DTNBP1: variants seen among roughly 807,000 people sequenced by gnomAD.
The protein encoded by DTNBP1 is dystrobrevin binding protein 1, also known as dysbindin.
Under a neutral mutation model 42.8 loss-of-function variants are expected in DTNBP1, and 35 were observed. The observed-to-expected ratio is 0.82, with a 90% CI of 0.63 to 1.09. The LOEUF is 1.09. DTNBP1 is among the 50% of genes least tolerant of loss of function. DTNBP1 has a pLI of 0.00. For synonymous variants in DTNBP1, 171 were observed against 162.2 expected (o/e 1.05, Z -0.41); for missense variants, 457 against 424.2 (o/e 1.08, Z -0.68).
chr6:15,623,015 A>G (rs1319004394), intron 5 of DTNBP1, among the ~76,000 whole-genome samples: 1 of 152,222 alleles, frequency 6.6e-6, no homozygotes, highest in Non-Finnish European at 1.5e-5. Flanking sequence ...AAGACTGTTC[A>G]AATGCTTACG....
At chr6:15,607,626 C>T (rs901562198) in intron 6 of DTNBP1, among the ~76,000 whole-genome samples, 7 of 152,164 alleles carry the variant, frequency 4.6e-5, no homozygotes, top group African/African-American at 1.7e-4. Flanking sequence ...CACAGGAATT[C>T]TCAGAACCTT....
Position 15,637,930 on chromosome 6 carries a change from T to A in DTNBP1, c.162-126A>T, listed in dbSNP as rs372222238. 7 of 1,026,468 alleles carry A rather than the reference T, an allele frequency of 6.8e-6. No individual in the cohort carries two copies. In the East Asian group the frequency reaches 9.8e-5, roughly 14 times the overall value. The allele number at this position is 1,026,468 out of a possible 1,614,324, so 63.6% of individuals were successfully genotyped here. ...CACTCAAAAAATAATGGGGACATGTTGCAAGGACACAGACGTCAACTTGAC... is the reference window on the plus strand; with the variant it reads ...CACTCAAAAAATAATGGGGACATGTAGCAAGGACACAGACGTCAACTTGAC... On this transcript the variant is annotated intron_variant, in intron 3 of 9. Coordinates refer to ENST00000344537, the MANE Select transcript of DTNBP1 (RefSeq NM_032122.5).
chr6:15,658,652 C>T (rs1761418943), intron 1 of DTNBP1, among the ~76,000 whole-genome samples: 1 of 152,160 alleles, frequency 6.6e-6, no homozygotes, highest in African/African-American at 2.4e-5. Flanking sequence ...GCCTAAATAC[C>T]TCAATCCTGA....
At chr6:15,643,575 G>A (rs1186274952) in intron 3 of DTNBP1, among the ~76,000 whole-genome samples, 2 of 152,082 alleles carry the variant, frequency 1.3e-5, no homozygotes, top group Admixed American at 1.3e-4. Flanking sequence ...AAACCCATCA[G>A]GCTAACAGTG....
chr6:15,549,491 TA>T lies in DTNBP1; in HGVS notation c.512-16097del, dbSNP rs1171397685. Among the ~76,000 whole-genome samples, 622 of 77,954 alleles carry T rather than the reference TA, an allele frequency of 8.0e-3. 6 individuals carry two copies. Among genetic ancestry groups the T allele is most frequent in the East Asian group, 0.07 (189 of 2,704 alleles). The allele number at this position is 77,954 out of a possible 152,430, so 51.1% of individuals were successfully genotyped here. ...CAGAGCAAGACTTTGTCTCAGGGAT[TA>T]AAAAAAAAAAAAAAAAAAAAAAAAA... On this transcript the variant is annotated intron_variant, in intron 7 of 9. Transcript: ENST00000344537.
chr6:15,649,892 T>C (rs1289732221), intron 3 of DTNBP1, among the ~76,000 whole-genome samples: 1 of 152,198 alleles, frequency 6.6e-6, no homozygotes, highest in East Asian at 1.9e-4. Context: ...TAAAATGAAG[T>C]TATTTCAACT....
At chr6:15,592,367 G>A (rs1388243006) in intron 7 of DTNBP1, among the ~76,000 whole-genome samples, 1 of 152,188 alleles carries the variant, frequency 6.6e-6, no homozygotes. Context: ...AATTGCTCAT[G>A]AGTAATTAAT....
chr6:15,571,262 T>A (rs916260187), intron 7 of DTNBP1, among the ~76,000 whole-genome samples: 4 of 152,110 alleles, frequency 2.6e-5, no homozygotes, highest in Non-Finnish European at 5.9e-5. Context: ...GAAACTCTCA[T>A]AACAAAAAGG....
chr6:15,562,840 T>C (rs1774906424), intron 7 of DTNBP1, among the ~76,000 whole-genome samples: 1 of 152,226 alleles, frequency 6.6e-6, no homozygotes, highest in Non-Finnish European at 1.5e-5. Context: ...CCATCGTTTC[T>C]CACTAACTGG....
At chr6:15,645,673 T>C (rs1760638012) in intron 3 of DTNBP1, among the ~76,000 whole-genome samples, 1 of 151,586 alleles carries the variant, frequency 6.6e-6, no homozygotes, top group Non-Finnish European at 1.5e-5. Context: ...ATAAACAGAG[T>C]TAAAAGCAAA....
At chr6:15,646,786 T>A (rs993589720) in intron 3 of DTNBP1, among the ~76,000 whole-genome samples, 1 of 152,078 alleles carries the variant, frequency 6.6e-6, no homozygotes, top group Non-Finnish European at 1.5e-5. Flanking sequence ...CCCTATTCAA[T>A]AAATGGTGCG....
intron 7 of DTNBP1, among the ~76,000 whole-genome samples, chr6:15,539,449 C>T (rs1773434135): frequency 6.6e-6 from 1 of 152,234 alleles, no homozygotes. Context: ...CTACGTTCAG[C>T]TGCAGCTATG....
intron 5 of DTNBP1, among the ~76,000 whole-genome samples, chr6:15,616,795 A>C (rs573351842): frequency 6.6e-6 from 1 of 152,222 alleles, no homozygotes; most frequent in Non-Finnish European, 1.5e-5. Context: ...CAAGAAAGAA[A>C]TAAAGACATC....
intron 6 of DTNBP1, among the ~76,000 whole-genome samples, chr6:15,614,503 C>A (rs972266345): frequency 1.3e-5 from 2 of 152,176 alleles, no homozygotes; most frequent in African/African-American, 4.8e-5. Flanking sequence ...GCACAGATGA[C>A]AGTCTGTCTC....
chr6:15,590,918 T>C (rs1001074116), intron 7 of DTNBP1, among the ~76,000 whole-genome samples: 2 of 152,182 alleles, frequency 1.3e-5, no homozygotes, highest in African/African-American at 4.8e-5. Context: ...AGAAAAGAGC[T>C]TCTAAATATA....
intron 9 of DTNBP1, chr6:15,523,828 G>C: frequency 1.6e-6 from 2 of 1,287,208 alleles, no homozygotes; most frequent in Non-Finnish European, 2.0e-6. Flanking sequence ...CGTTCTGACA[G>C]ATTGCCAGGA....
chr6:15,530,532 G>A (rs1772746987), intron 8 of DTNBP1, among the ~76,000 whole-genome samples: 1 of 152,298 alleles, frequency 6.6e-6, no homozygotes, highest in South Asian at 2.1e-4. Context: ...TGCTAGACGC[G>A]TTCTCTCTGC....
chr6:15,530,904 T>A (rs1358307367), intron 8 of DTNBP1, among the ~76,000 whole-genome samples: 1 of 152,192 alleles, frequency 6.6e-6, no homozygotes, highest in Non-Finnish European at 1.5e-5. Flanking sequence ...TGTATCTGTA[T>A]GGACTGAATG....
intron 7 of DTNBP1, among the ~76,000 whole-genome samples, chr6:15,565,296 T>G (rs183188141): frequency 1.1e-3 from 173 of 152,220 alleles, no homozygotes; most frequent in Middle Eastern, 3.4e-3. Context: ...AAGTTAAACA[T>G]AAACTTATCA....
Sources: allele counts gnomAD v4.1 joint callset (sites outside exome capture counted in the v4.1 genomes callset), GRCh38; gene constraint gnomAD v4.1.1; transcripts MANE v1.5; gene names NCBI Gene and HGNC (gene_info 2026-07-23, HGNC 2026-07-21).